ABHD6: variants seen among roughly 807,000 people sequenced by gnomAD.
The protein encoded by ABHD6 is monoacylglycerol lipase ABHD6.
ABHD6 carries 33 observed loss-of-function variants against 38.8 expected under a neutral mutation model. The observed-to-expected ratio is 0.85, with a 90% CI of 0.64 to 1.14. The LOEUF (loss-of-function observed/expected upper bound fraction) is 1.14, where lower values mean the gene tolerates loss of function less well. Among genes scored for constraint, ABHD6 ranks in the 50% most tolerant of loss-of-function variants. ABHD6 has a pLI of 0.00. For missense variants in ABHD6, 380 were observed against 422.6 expected (o/e 0.90, Z 0.88); for synonymous variants, 147 against 161.6 (o/e 0.91, Z 0.69).
chr3:58,258,409 C>G (rs768190897), intron 3 of ABHD6: 3 of 432,054 alleles, frequency 6.9e-6, no homozygotes, highest in Non-Finnish European at 1.4e-5. Flanking sequence ...AAAGCATGAG[C>G]AGCGTGAAAG....
At chr3:58,276,687 C>A (rs2097448974) in intron 7 of ABHD6, among the ~76,000 whole-genome samples, 1 of 152,142 alleles carries the variant, frequency 6.6e-6, no homozygotes. Context: ...GAAGTCCTTG[C>A]CCATGCCTGT....
chr3:58,292,683 G>A (rs1335035001), intron 9 of ABHD6, among the ~76,000 whole-genome samples: 2 of 152,090 alleles, frequency 1.3e-5, no homozygotes, highest in African/African-American at 4.8e-5. Context: ...TTGGGAGGCT[G>A]AGGCAGGTGG....
intron 3 of ABHD6, among the ~76,000 whole-genome samples, chr3:58,262,762 G>A (rs1043948095): frequency 1.3e-5 from 2 of 152,156 alleles, no homozygotes; most frequent in Admixed American, 1.3e-4. Flanking sequence ...TCGTTGAGGG[G>A]ATCATTTGAA....
At position 58,257,202 on chromosome 3, in the gene ABHD6, C is replaced by T. The variant is rs990566524; in HGVS notation, c.119+497C>T. On this transcript the variant is annotated intron_variant, in intron 3 of 9. Coordinates refer to ENST00000478253, the MANE Select transcript of ABHD6 (RefSeq NM_001320126.2). This position sits in a 1 kb window ranked among gnomAD's most constrained non-coding sequence, Gnocchi z 4.8. ...GATTACAGGCATGAGCCATCATACC[C>T]GGCCCTTTTAGGTTTCTGATAGCAT... is the stretch of plus-strand genomic sequence containing the variant. 5.9e-5 allele frequency among the ~76,000 whole-genome samples: 9 copies of T among 151,980 alleles called. No homozygotes were observed. Among genetic ancestry groups the T allele is most frequent in the Non-Finnish European group, 7.4e-5 (5 of 67,994 alleles).
rs912427891 is a variant in ABHD6, at chr3:58,271,542, A to T, written c.523+478A>T. Among the ~76,000 whole-genome samples the T allele has an allele frequency of 7.2e-5, 11 of 152,092 alleles. No individual in the cohort carries two copies. In the East Asian group the frequency reaches 1.4e-3, roughly 19 times the overall value. ...CCCTCTCCTTTTTTGGTAAAAACTGAGAGATCTTTATTTATTATAATAAGA... is the reference window on the plus strand; with the variant it reads ...CCCTCTCCTTTTTTGGTAAAAACTGTGAGATCTTTATTTATTATAATAAGA... On this transcript the variant is annotated intron_variant, in intron 6 of 9. Transcript: ENST00000478253.
In ABHD6 at chr3:58,258,655, A is replaced by G. The variant is rs565998792; in HGVS notation, c.119+1950A>G. 5.5e-4 allele frequency: 103 copies of G among 186,320 alleles called. 1 individual carries two copies. Among genetic ancestry groups the G allele is most frequent in the Middle Eastern group, 2.0e-3 (4 of 2,014 alleles). 11.5% of individuals were successfully genotyped at this position (186,320 alleles called of 1,614,324 possible). On this transcript the variant is annotated intron_variant, in intron 3 of 9. Transcript: ENST00000478253. The stretch of plus-strand genomic sequence containing the variant: ...CCCATTGAGATCTAACTGGGACTTC[A>G]GGAAGTCGGAACTCACTTCTGTACG...
intron 7 of ABHD6, among the ~76,000 whole-genome samples, chr3:58,282,419 G>A (rs1251511368): frequency 2.6e-5 from 4 of 152,098 alleles, no homozygotes; most frequent in African/African-American, 7.2e-5. Context: ...AAGGGGAGGA[G>A]TCCCAGGTGA....
In ABHD6 at chr3:58,266,312, G is replaced by A. The variant is rs907246733; in HGVS notation, c.120-877G>A. Among the ~76,000 whole-genome samples, 1 of 152,082 alleles carries A rather than the reference G, an allele frequency of 6.6e-6. No individual in the cohort carries two copies. The highest frequency in any genetic ancestry group is 1.5e-5 in the Non-Finnish European group (1 of 68,018). On this transcript the variant is annotated intron_variant, in intron 3 of 9. Transcript: ENST00000478253. The surrounding 1 kb of genome is among the most constrained non-coding windows in gnomAD (Gnocchi z 4.0). Reference sequence around the variant, plus strand: ...AAAAATACAAAAATTAGGCAGGCATGGTGGTGTGCACCTGTAACCCTAGAT... The same window carrying A: ...AAAAATACAAAAATTAGGCAGGCATAGTGGTGTGCACCTGTAACCCTAGAT...
intron 3 of ABHD6, among the ~76,000 whole-genome samples, chr3:58,261,314 A>G (rs2097436781): frequency 6.6e-6 from 1 of 152,216 alleles, no homozygotes; most frequent in Non-Finnish European, 1.5e-5. Flanking sequence ...AAAAAAATCT[A>G]TAAATAATTT....
chr3:58,261,777 A>G (rs1352982704), intron 3 of ABHD6, among the ~76,000 whole-genome samples: 1 of 152,220 alleles, frequency 6.6e-6, no homozygotes, highest in African/African-American at 2.4e-5. Flanking sequence ...TATAGTTGCT[A>G]TGCACAAATT....
chr3:58,269,342 T>C lies in ABHD6; in HGVS notation c.298T>C (p.Leu100=). The change falls in exon 5 of 10, where the codon TTG becomes CTG. Residue 100 remains leucine, a synonymous_variant. Transcript: ENST00000478253. This position sits in a 1 kb window ranked among gnomAD's most constrained non-coding sequence, Gnocchi z 4.4. ...VVKFLPKNLH[L]VCVDMPGHEG... is the part of the protein sequence containing the mutation. Reference sequence around the variant, plus strand: ...TCAGTTCCTTCCAAAGAACCTGCACTTGGTCTGCGTGGACATGCCAGGACA... The same window carrying C: ...TCAGTTCCTTCCAAAGAACCTGCACCTGGTCTGCGTGGACATGCCAGGACA... 1 of 1,613,900 alleles carries C rather than the reference T, an allele frequency of 6.2e-7. No homozygotes were observed. Among genetic ancestry groups the C allele is most frequent in the Non-Finnish European group, 8.5e-7 (1 of 1,179,848 alleles).
At position 58,286,844 on chromosome 3, in the gene ABHD6, G is replaced by GCATATATA. The variant is rs1424175632; in HGVS notation, c.837+1391_837+1392insCATATATA. On this transcript the variant is annotated intron_variant, in intron 9 of 9. Coordinates refer to ENST00000478253, the MANE Select transcript of ABHD6 (RefSeq NM_001320126.2). ...TATATGTGTGTGTGTGTGTGTGTGTGTGTGTGTGTATATATATATATATAT... is the reference window on the plus strand; with the variant it reads ...TATATGTGTGTGTGTGTGTGTGTGTGCATATATATGTGTGTGTATATATATATATATAT... 1.0e-4 allele frequency among the ~76,000 whole-genome samples: 5 copies of GCATATATA among 50,050 alleles called. 1 individual carries two copies. Among genetic ancestry groups the GCATATATA allele is most frequent in the Admixed American group, 5.8e-4 (3 of 5,166 alleles). 32.8% of individuals were successfully genotyped at this position (50,050 alleles called of 152,430 possible).
intron 9 of ABHD6, among the ~76,000 whole-genome samples, chr3:58,286,602 G>A (rs903860814): frequency 6.6e-6 from 1 of 151,884 alleles, no homozygotes; most frequent in African/African-American, 2.4e-5. Context: ...TAGGCAATAT[G>A]TAAACAAATG....
Position 58,293,749 on chromosome 3 carries a change from A to G in ABHD6, c.998A>G (p.Asn333Ser), listed in dbSNP as rs1305581155. 6.2e-7 allele frequency: 1 copy of G among 1,614,158 alleles called. No individual in the cohort carries two copies. ...FLASVHNTDN[N>S]KKLD ...GCTTCTGTGCACAACACAGACAACA[A>G]CAAGAAGCTGGACTGAGGCCCCGAC... Residue 333 changes from asparagine (N) to serine (S), a missense_variant, in exon 10 of 10, where the codon AAC becomes AGC. Coordinates refer to ENST00000478253, the MANE Select transcript of ABHD6 (RefSeq NM_001320126.2). The surrounding 1 kb of genome is among the most constrained non-coding windows in gnomAD (Gnocchi z 4.4).
intron 9 of ABHD6, among the ~76,000 whole-genome samples, chr3:58,290,022 C>T (rs1212565064): frequency 1.5e-5 from 2 of 136,088 alleles, no homozygotes; most frequent in Admixed American, 7.0e-5. Flanking sequence ...CCGGACGGGG[C>T]GGCTGGCCGG....
intron 6 of ABHD6, among the ~76,000 whole-genome samples, chr3:58,271,790 T>TTTTTTTA (rs2097445226): frequency 1.6e-5 from 2 of 121,844 alleles, no homozygotes; most frequent in Admixed American, 8.4e-5. Flanking sequence ...TTTTTTTTTT[T>TTTTTTTA]GAGACAGTCT....
chr3:58,245,696 C>T (rs930310162), intron 1 of ABHD6, among the ~76,000 whole-genome samples: 8 of 152,102 alleles, frequency 5.3e-5, no homozygotes, highest in Admixed American at 2.0e-4. Context: ...ACAAGAATTG[C>T]TTGAACCCCA....
At position 58,269,150 on chromosome 3, in the gene ABHD6, A is replaced by G. The variant is rs982930884; in HGVS notation, c.277-171A>G. On this transcript the variant is annotated intron_variant, in intron 4 of 9. Transcript: ENST00000478253. The surrounding 1 kb of genome is among the most constrained non-coding windows in gnomAD (Gnocchi z 4.4). ...CCTTTGTGGGCCTCTGCTCCCGATG[A>G]GGCTACTGGCAATGCTTATTCAATT... 1.3e-5 allele frequency among the ~76,000 whole-genome samples: 2 copies of G among 152,182 alleles called. No individual in the cohort carries two copies. The highest frequency in any genetic ancestry group is 2.9e-5 in the Non-Finnish European group (2 of 68,016).
chr3:58,280,176 A>C (rs894316035), intron 7 of ABHD6, among the ~76,000 whole-genome samples: 5 of 152,180 alleles, frequency 3.3e-5, no homozygotes, highest in Middle Eastern at 3.2e-3. Flanking sequence ...TAATATCCTG[A>C]AGAGTGTTTT....
Sources: gnomAD v4.1 joint callset for allele counts (sites outside exome capture counted in the v4.1 genomes callset) on GRCh38, gnomAD v4.1.1 for gene constraint, Gnocchi (gnomAD v3.1) non-coding constraint, MANE v1.5 for transcripts, NCBI Gene and HGNC (gene_info 2026-07-23, HGNC 2026-07-21) for gene names.